Variants in NCOA2 observed in about 807,000 individuals in gnomAD.
NCOA2 encodes the protein class E basic helix-loop-helix protein 75.
Under a neutral mutation model 145.1 loss-of-function variants are expected in NCOA2, and 21 were observed. That is an observed-to-expected ratio of 0.14 (90% CI 0.10 to 0.21). NCOA2 has a LOEUF of 0.21. Among genes scored for constraint, NCOA2 ranks in the 10% least tolerant of loss-of-function variants. NCOA2 has a pLI of 1.00. For synonymous variants in NCOA2, 619 were observed against 637.5 expected (o/e 0.97, Z 0.44); for missense variants, 1,472 against 1,837.6 (o/e 0.80, Z 3.64).
At chr8:70,162,911 A>ATAT in intron 8 of NCOA2, 57 bp from the exon 9 acceptor site, 1 of 752,452 alleles carries the variant, frequency 1.3e-6, no homozygotes, top group Non-Finnish European at 1.8e-6. Context: ...TATGGAAATA[A>ATAT]TTTTTTTTTT....
chr8:70,404,120 T>G, upstream of NCOA2, among the ~76,000 whole-genome samples: 1 of 151,672 alleles, frequency 6.6e-6, no homozygotes, highest in African/African-American at 2.4e-5. Context: ...GTCGGCAGAG[T>G]CCTCTGAGAA....
intron 4 of NCOA2, among the ~76,000 whole-genome samples, chr8:70,191,667 A>G (rs1816695098): frequency 6.6e-6 from 1 of 152,146 alleles, no homozygotes; most frequent in Admixed American, 6.5e-5. Flanking sequence ...ACATACACAA[A>G]TGGGATATGT....
intron 1 of NCOA2, among the ~76,000 whole-genome samples, chr8:70,399,447 T>G (rs1586687985): frequency 6.6e-6 from 1 of 152,252 alleles, no homozygotes; most frequent in Non-Finnish European, 1.5e-5. Flanking sequence ...TATAGTCTTA[T>G]TCTTATACTA....
chr8:70,443,947 A>G, the NCOA2 span, among the ~76,000 whole-genome samples: 3 of 152,230 alleles, frequency 2.0e-5, no homozygotes, highest in Non-Finnish European at 4.4e-5. Context: ...TAAATTGTAT[A>G]GAACTAAGCA....
chr8:70,314,205 A>AAAAAAAAAAAAAAAAC (rs1805379475), intron 1 of NCOA2, among the ~76,000 whole-genome samples: 1 of 146,086 alleles, frequency 6.8e-6, no homozygotes, highest in South Asian at 2.1e-4. Context: ...AAAAAAAAAA[A>AAAAAAAAAAAAAAAAC]AAAGCAACTG....
intron 4 of NCOA2, among the ~76,000 whole-genome samples, chr8:70,197,994 T>C (rs1302151613): frequency 1.3e-5 from 2 of 152,236 alleles, no homozygotes; most frequent in East Asian, 1.9e-4. Flanking sequence ...AGGGACAGGA[T>C]CTCACTACGT....
chr8:70,418,965 A>C, the NCOA2 span, among the ~76,000 whole-genome samples: 1 of 152,168 alleles, frequency 6.6e-6, no homozygotes, highest in African/African-American at 2.4e-5. Flanking sequence ...TATCTGTAGT[A>C]ATAAAGTGAG....
intron 2 of NCOA2, among the ~76,000 whole-genome samples, chr8:70,218,249 T>C (rs1228267737): frequency 7.2e-6 from 1 of 138,420 alleles, no homozygotes; most frequent in Non-Finnish European, 1.5e-5. Context: ...AATGAAGAAA[T>C]ACTGTATCCG....
At chr8:70,432,444 T>C in the NCOA2 span, among the ~76,000 whole-genome samples, 1 of 152,180 alleles carries the variant, frequency 6.6e-6, no homozygotes, top group Non-Finnish European at 1.5e-5. Flanking sequence ...AGAGGATTGC[T>C]TGAGGCCAGG....
chr8:70,371,509 A>G (rs941808497), intron 1 of NCOA2, among the ~76,000 whole-genome samples: 2 of 152,178 alleles, frequency 1.3e-5, no homozygotes, highest in African/African-American at 2.4e-5. Context: ...ACATATATAT[A>G]GCCTGATTTT....
chr8:70,207,591 T>C (rs1818573876), intron 4 of NCOA2, among the ~76,000 whole-genome samples: 2 of 152,052 alleles, frequency 1.3e-5, no homozygotes, highest in Non-Finnish European at 2.9e-5. Context: ...TGGTGGGGTG[T>C]GGTGGCTCAT....
At chr8:70,159,062 T>TA (rs1563543972) in intron 10 of NCOA2, among the ~76,000 whole-genome samples, 2 of 151,434 alleles carry the variant, frequency 1.3e-5, no homozygotes, top group East Asian at 3.9e-4. Flanking sequence ...ACGCTGCAGA[T>TA]ACTAAAATCC....
chr8:70,202,773 T>C lies in NCOA2; in HGVS notation c.259+11130A>G, dbSNP rs1465344615. ...GATCCACTGTACAACAATGTGCATA[T>C]AGTTAACAATATTGTAATTTACACC... On this transcript the variant is annotated intron_variant, in intron 4 of 22. Transcript: ENST00000452400. Among the ~76,000 whole-genome samples the C allele has an allele frequency of 4.6e-5, 7 of 152,190 alleles. No individual in the cohort carries two copies. In the East Asian group the frequency reaches 9.6e-4, roughly 21 times the overall value.
chr8:70,203,342 G>C (rs552867466), intron 4 of NCOA2, among the ~76,000 whole-genome samples: 8 of 151,602 alleles, frequency 5.3e-5, no homozygotes, highest in East Asian at 1.9e-4. Flanking sequence ...CTGAAAATAC[G>C]TAAGTCTAAA....
chr8:70,259,578 G>A (rs1229552630), intron 2 of NCOA2, among the ~76,000 whole-genome samples: 1 of 152,082 alleles, frequency 6.6e-6, no homozygotes, highest in African/African-American at 2.4e-5. Context: ...AGACATGGAA[G>A]AGAAATTACT....
At chr8:70,192,913 G>A (rs571698028) in intron 4 of NCOA2, among the ~76,000 whole-genome samples, 66 of 151,692 alleles carry the variant, frequency 4.4e-4, no homozygotes, top group Non-Finnish European at 8.5e-4. Flanking sequence ...CTAAAAATAC[G>A]AAAATTAGCC....
intron 10 of NCOA2, among the ~76,000 whole-genome samples, chr8:70,159,255 T>TTTTTC (rs1209017347): frequency 1.5e-4 from 20 of 137,584 alleles, no homozygotes; most frequent in African/African-American, 5.4e-4. Context: ...TTTTTTTTTT[T>TTTTTC]CCCCCAAATA....
At chr8:70,428,652 T>C in the NCOA2 span, among the ~76,000 whole-genome samples, 1 of 152,050 alleles carries the variant, frequency 6.6e-6, no homozygotes, top group Non-Finnish European at 1.5e-5. Context: ...CTTGCTGTTA[T>C]CTAAAAAAAT....
intron 2 of NCOA2, among the ~76,000 whole-genome samples, chr8:70,263,514 A>G (rs1178466578): frequency 6.6e-6 from 1 of 152,086 alleles, no homozygotes; most frequent in Admixed American, 6.6e-5. Context: ...TTGATCTGAT[A>G]TAGAGTTCTA....
Sources: allele counts gnomAD v4.1 joint callset (sites outside exome capture counted in the v4.1 genomes callset), GRCh38; gene constraint gnomAD v4.1.1; transcripts MANE v1.5; gene names NCBI Gene and HGNC (gene_info 2026-07-23, HGNC 2026-07-21).